Variants in SLC38A5 observed in about 807,000 individuals in gnomAD.
SLC38A5 encodes the protein sodium-coupled neutral amino acid transporter 5.
A neutral mutation model predicts 34.6 loss-of-function variants in SLC38A5; 9 were observed. That is an observed-to-expected ratio of 0.26 (90% confidence interval 0.16 to 0.45). The LOEUF is 0.45. SLC38A5 is among the 20% of genes least tolerant of loss of function. SLC38A5 has a pLI of 1.00. For missense variants in SLC38A5, 253 were observed against 394.7 expected (o/e 0.64, Z 3.04); for synonymous variants, 157 against 155.6 (o/e 1.01, Z -0.07).
chrX:48,459,097 T>C, intron 16 of SLC38A5, 63 bp from the exon 17 acceptor site: 1 of 1,089,120 alleles, frequency 9.2e-7, no homozygotes, highest in Non-Finnish European at 1.2e-6. Flanking sequence ...CTTCTGAGAA[T>C]GTTCCTCAAG....
chrX:48,463,772 CA>C (rs557295410), intron 8 of SLC38A5, among the ~76,000 whole-genome samples: 344 of 7,075 alleles, frequency 0.049, no homozygotes, highest in Non-Finnish European at 0.064. Context: ...TCAAGACACT[CA>C]AAAAAAAAAA....
At position 48,458,703 on chromosome X, in the gene SLC38A5, T is replaced by C; in HGVS notation, c.*230A>G. 1.0e-6 allele frequency: 1 copy of C among 990,454 alleles called. No homozygotes were observed. Among genetic ancestry groups the C allele is most frequent in the East Asian group, 3.9e-5 (1 of 25,325 alleles). 81.6% of individuals were successfully genotyped at this position (990,454 alleles called of 1,213,427 possible). ...CTCCTCCTCCTCCTCCTCTTCTTCC[T>C]CCTCCTCCTCCTCCCATGGGGTTGG... is the stretch of plus-strand genomic sequence containing the variant. On this transcript the variant is annotated 3_prime_UTR_variant, in exon 17 of 17. Transcript: ENST00000620913.
At chrX:48,463,948 G>A (rs186319053) in intron 8 of SLC38A5, among the ~76,000 whole-genome samples, 5 of 111,273 alleles carry the variant, frequency 4.5e-5, no homozygotes, top group Admixed American at 2.9e-4. Context: ...GCAACACAAG[G>A]TGCCAGACAC....
chrX:48,463,016 G>A (rs782407100), intron 8 of SLC38A5, 36 bp from the exon 9 acceptor site: 2 of 1,083,460 alleles, frequency 1.8e-6, no homozygotes, highest in South Asian at 2.1e-5. Context: ...CTAGCTGCCA[G>A]CCAAAGGAAA....
At chrX:48,463,068 T>C in intron 8 of SLC38A5, 88 bp from the exon 9 acceptor site, 1 of 743,669 alleles carries the variant, frequency 1.3e-6, no homozygotes, top group Admixed American at 3.3e-5. Context: ...GACAGGCAGC[T>C]TTCTGCCCTA....
Position 48,458,845 on chromosome X carries a change from C to A in SLC38A5, c.*88G>T. ...AACCACGTTCATGGGAACCAGCCAC[C>A]TCCACATGTTGGGCAGGAGGGACCC... On this transcript the variant is annotated 3_prime_UTR_variant, in exon 17 of 17. Transcript: ENST00000620913. The A allele has an allele frequency of 2.7e-6, 3 of 1,109,967 alleles. No homozygotes were observed. Among genetic ancestry groups the A allele is most frequent in the Non-Finnish European group, 3.6e-6 (3 of 843,891 alleles). 91.5% of individuals were successfully genotyped at this position (1,109,967 alleles called of 1,213,427 possible).
At position 48,466,016 on chromosome X, in the gene SLC38A5, C is replaced by T; in HGVS notation, c.490G>A (p.Gly164Arg). 8.4e-7 allele frequency: 1 copy of T among 1,189,829 alleles called. No individual in the cohort carries two copies. Among genetic ancestry groups the T allele is most frequent in the Non-Finnish European group, 1.1e-6 (1 of 884,166 alleles). ...IGTFLYMDPE[G>R]DWFLKGNLLI... ...AGCCAAGGGGTGTTGCTCACTCACC[C>T]CTCGGGGTCCATGTACAGGAAGGTG... Residue 164 changes from glycine to arginine, a missense_variant and splice_region_variant, in exon 8 of 17, where the codon GGG (glycine) becomes AGG (arginine). Physicochemically the swap from Gly to Arg is moderately radical, Grantham distance 125. This residue lies in a region of SLC38A5 where 176 missense variants were observed against 273.0 expected (regional missense o/e 0.64). Coordinates refer to ENST00000620913, the MANE Select transcript of SLC38A5 (RefSeq NM_033518.4).
At chrX:48,466,688 G>T (rs2061479440) in intron 6 of SLC38A5, 111 bp downstream of exon 6, 1 of 842,689 alleles carries the variant, frequency 1.2e-6, no homozygotes, top group Non-Finnish European at 1.7e-6. Flanking sequence ...CATTCAGGGA[G>T]CTGGGTCTGG....
At chrX:48,460,932 G>T in intron 13 of SLC38A5, 54 bp downstream of exon 13, 2 of 1,073,758 alleles carry the variant, frequency 1.9e-6, no homozygotes, top group Non-Finnish European at 2.5e-6. Flanking sequence ...GAGCTCAGAG[G>T]CTCCTGCCCC....
In SLC38A5 at chrX:48,459,260, T is replaced by C. The variant is rs538537864; in HGVS notation, c.1318-226A>G. ...CTCCATCCTCCTTCTTCAAAGTGCTTCCAGCTCTCTTCCCAATAGTGCTCT... is the reference window on the plus strand; with the variant it reads ...CTCCATCCTCCTTCTTCAAAGTGCTCCCAGCTCTCTTCCCAATAGTGCTCT... On this transcript the variant is annotated intron_variant, in intron 16 of 16. Transcript: ENST00000620913. The C allele has an allele frequency of 1.8e-4, 80 of 448,818 alleles. 1 individual carries two copies. The South Asian group carries it at 3.1e-3, about 17-fold the overall frequency. The allele number at this position is 448,818 out of a possible 1,213,427, so 37.0% of individuals were successfully genotyped here.
At chrX:48,459,982 C>T in intron 14 of SLC38A5, 106 bp from the exon 15 acceptor site, 1 of 1,033,764 alleles carries the variant, frequency 9.7e-7, no homozygotes, top group Non-Finnish European at 1.3e-6. Flanking sequence ...CCCTGATTTC[C>T]CCTCCCTCTG....
chrX:48,460,587 C>T lies in SLC38A5; in HGVS notation c.1068+62G>A, dbSNP rs782527936. On this transcript the variant is annotated intron_variant, in intron 14 of 16. Coordinates refer to ENST00000620913, the MANE Select transcript of SLC38A5 (RefSeq NM_033518.4). The stretch of plus-strand genomic sequence containing the variant: ...CTCCTGTTTCCAGCCTTGACCCACA[C>T]ATCCATGCCTATGCCCTCTACCCAT... 36 of 1,080,254 alleles carry T rather than the reference C, an allele frequency of 3.3e-5. No homozygotes were observed. In the South Asian group the frequency reaches 5.8e-4, roughly 17 times the overall value. The allele number at this position is 1,080,254 out of a possible 1,213,427, so 89.0% of individuals were successfully genotyped here.
chrX:48,460,660 C>T lies in SLC38A5; in HGVS notation c.1057G>A (p.Val353Met), dbSNP rs782199213. 2 of 1,211,633 alleles carry T rather than the reference C, an allele frequency of 1.7e-6. No individual in the cohort carries two copies. Among genetic ancestry groups the T allele is most frequent in the South Asian group, 1.8e-5 (1 of 57,007 alleles). Residue 353 changes from valine to methionine, a missense_variant, in exon 14 of 17, where the codon GTG becomes ATG. Val to Met is a conservative substitution (Grantham distance 21). This residue lies in a region of SLC38A5 where 176 missense variants were observed against 273.0 expected (regional missense o/e 0.64). Coordinates refer to ENST00000620913, the MANE Select transcript of SLC38A5 (RefSeq NM_033518.4). ...LLAVTLTVPVVLFPIRRALQQ... is the reference protein window; with the variant it reads ...LLAVTLTVPVMLFPIRRALQQ... The stretch of plus-strand genomic sequence containing the variant: ...TGGGCCCCACGCACAGGGAACAGCA[C>T]GACTGGCACAGTGAGGGTCACCGCG...
chrX:48,461,974 G>A, intron 11 of SLC38A5, 33 bp downstream of exon 11: 1 of 1,145,533 alleles, frequency 8.7e-7, no homozygotes, highest in Non-Finnish European at 1.2e-6. Flanking sequence ...GGGCCTGAGT[G>A]TGATGCAATC....
At chrX:48,468,076 T>C (rs1204837435) in intron 2 of SLC38A5, 151 bp from the exon 3 acceptor site, 10 of 841,034 alleles carry the variant, frequency 1.2e-5, no homozygotes, top group Non-Finnish European at 1.6e-5. Context: ...CAGACAGGGA[T>C]AGAAATGGAG....
intron 2 of SLC38A5, chrX:48,468,828 C>CT: frequency 1.1e-5 from 8 of 749,980 alleles, no homozygotes; most frequent in Non-Finnish European, 1.3e-5. Context: ...CCTCATTTCC[C>CT]TCCGGAGGAA....
Position 48,461,879 on chromosome X carries a change from G to A in SLC38A5, c.772-82C>T, listed in dbSNP as rs782763204. 6 of 1,119,669 alleles carry A rather than the reference G, an allele frequency of 5.4e-6. No homozygotes were observed. The highest frequency in any genetic ancestry group is 2.6e-5 in the Admixed American group (1 of 38,634). 92.3% of individuals were successfully genotyped at this position (1,119,669 alleles called of 1,213,427 possible). ...CCCATCCCCCTCCCGCCCCGTAATC[G>A]CCCTCCATATCAGACACATAGAAGC... On this transcript the variant is annotated intron_variant, in intron 11 of 16. Transcript: ENST00000620913.
intron 16 of SLC38A5, chrX:48,459,315 T>C: frequency 3.3e-5 from 14 of 426,630 alleles, no homozygotes. Context: ...GCTCCCTCTA[T>C]GCCAGCCTCT....
Position 48,465,937 on chromosome X carries a change from C to T in SLC38A5, c.491+78G>A, listed in dbSNP as rs1016470947. On this transcript the variant is annotated intron_variant, in intron 8 of 16. Coordinates refer to ENST00000620913, the MANE Select transcript of SLC38A5 (RefSeq NM_033518.4). ...AACATCTGGAAGTCAGCTGCACACA[C>T]AGCGCTGAAGATACTGACCGGGCCT... 3.4e-6 allele frequency: 3 copies of T among 871,940 alleles called. No individual in the cohort carries two copies. In the Admixed American group the frequency reaches 1.1e-4, roughly 33 times the overall value. 71.9% of individuals were successfully genotyped at this position (871,940 alleles called of 1,213,427 possible).
Sources: allele counts gnomAD v4.1 joint callset (sites outside exome capture counted in the v4.1 genomes callset), GRCh38; gene constraint gnomAD v4.1.1; regional missense constraint gnomAD v4.1.1; transcripts MANE v1.5; gene names NCBI Gene and HGNC (gene_info 2026-07-23, HGNC 2026-07-21).